The following SULF1 variants were observed in gnomAD, a reference collection of about 807,000 sequenced individuals.
The protein encoded by SULF1 is extracellular sulfatase Sulf-1.
In SULF1, 46 loss-of-function variants were observed where a neutral mutation model predicts 110.5. The observed-to-expected ratio is 0.42, with a 90% CI of 0.33 to 0.53. The LOEUF (loss-of-function observed/expected upper bound fraction) is 0.53, where lower values mean the gene tolerates loss of function less well. SULF1 is among the 20% of genes least tolerant of loss of function. SULF1 has a pLI of 0.12. For missense variants in SULF1, 941 were observed against 1,094.2 expected (o/e 0.86, Z 1.98); for synonymous variants, 371 against 387.1 (o/e 0.96, Z 0.49).
intron 3 of SULF1, among the ~76,000 whole-genome samples, chr8:69,558,028 G>A (rs1367130364): frequency 2.6e-5 from 4 of 152,198 alleles, no homozygotes; most frequent in African/African-American, 9.7e-5. Context: ...ATTAACAGTA[G>A]GTGAACTTGC....
chr8:69,567,089 A>G (rs1404992917), intron 5 of SULF1, among the ~76,000 whole-genome samples: 1 of 152,152 alleles, frequency 6.6e-6, no homozygotes, highest in Non-Finnish European at 1.5e-5. Context: ...CCTCCTAAAA[A>G]CAATCGGCAA....
At chr8:69,613,677 T>A (rs1040221772) in intron 13 of SULF1, among the ~76,000 whole-genome samples, 2 of 152,128 alleles carry the variant, frequency 1.3e-5, no homozygotes, top group Non-Finnish European at 2.9e-5. Context: ...AAGATCTGGG[T>A]GACTCAAAGC....
intron 3 of SULF1, among the ~76,000 whole-genome samples, chr8:69,523,294 C>A (rs371714441): frequency 1.3e-5 from 2 of 152,106 alleles, no homozygotes; most frequent in South Asian, 4.1e-4. Context: ...GGAAGTTCTC[C>A]TCCAGTTGCT....
At chr8:69,500,183 T>TA (rs562692837) in intron 2 of SULF1, among the ~76,000 whole-genome samples, 202 of 152,220 alleles carry the variant, frequency 1.3e-3, no homozygotes, top group African/African-American at 4.6e-3. Context: ...ATTACTGGTC[T>TA]AAAAAAAATC....
At chr8:69,553,945 T>C (rs559951757) in intron 3 of SULF1, among the ~76,000 whole-genome samples, 1 of 152,350 alleles carries the variant, frequency 6.6e-6, no homozygotes, top group South Asian at 2.1e-4. Context: ...ACATCAGGTT[T>C]TAATAAACCT....
At chr8:69,491,056 G>A (rs925579193), upstream of SULF1, among the ~76,000 whole-genome samples, 4 of 152,118 alleles carry the variant, frequency 2.6e-5, no homozygotes, top group Non-Finnish European at 5.9e-5. Context: ...ATTAGTAGAG[G>A]GGGGAAAATT....
At position 69,554,780 on chromosome 8, in the gene SULF1, C is replaced by G. The variant is rs1054121076; in HGVS notation, c.-133-8759C>G. Among the ~76,000 whole-genome samples, 4 of 151,806 alleles carry G rather than the reference C, an allele frequency of 2.6e-5. 1 individual carries two copies. Among genetic ancestry groups the G allele is most frequent in the Admixed American group, 2.6e-4 (4 of 15,256 alleles). On this transcript the variant is annotated intron_variant, in intron 3 of 22. Coordinates refer to ENST00000402687, the MANE Select transcript of SULF1 (RefSeq NM_001128205.2). ...GGATCATGAGGTCAGTAGATCGAGA[C>G]CATCCTGGCTAACATGGTGAAACCC... is the stretch of plus-strand genomic sequence containing the variant.
At position 69,629,443 on chromosome 8, in the gene SULF1, C is replaced by T. The variant is rs1049713462; in HGVS notation, c.2109-61C>T. The T allele has an allele frequency of 6.6e-6, 10 of 1,514,262 alleles. No individual in the cohort carries two copies. The Admixed American group carries it at 8.4e-5, about 13-fold the overall frequency. 93.8% of individuals were successfully genotyped at this position (1,514,262 alleles called of 1,614,324 possible). ...TTTGTGCAAGACTCACAGCAACAAG[C>T]CTATTTGTAATTGAGAAAGTGCCTT... On this transcript the variant is annotated intron_variant, in intron 18 of 22. Coordinates refer to ENST00000402687, the MANE Select transcript of SULF1 (RefSeq NM_001128205.2).
chr8:69,491,035 A>G (rs1177431979), upstream of SULF1, among the ~76,000 whole-genome samples: 2 of 152,184 alleles, frequency 1.3e-5, no homozygotes, highest in African/African-American at 4.8e-5. Context: ...AATTGGTTTT[A>G]ATTGTTCCAA....
intron 3 of SULF1, among the ~76,000 whole-genome samples, chr8:69,529,117 C>T (rs146139637): frequency 1.1e-3 from 165 of 152,198 alleles, no homozygotes; most frequent in East Asian, 6.6e-3. Context: ...AACTGAGATC[C>T]GGAAAGTTTA....
chr8:69,484,689 C>T (rs557398065), intron 1 of SULF1, among the ~76,000 whole-genome samples: 7 of 152,140 alleles, frequency 4.6e-5, no homozygotes, highest in African/African-American at 1.4e-4. Context: ...CCCAGGCTCA[C>T]TAATGTCTGC....
At chr8:69,580,740 A>G (rs1337716344) in intron 6 of SULF1, among the ~76,000 whole-genome samples, 1 of 152,180 alleles carries the variant, frequency 6.6e-6, no homozygotes, top group African/African-American at 2.4e-5. Flanking sequence ...TAGAAGGGAC[A>G]ATATTTAATA....
At chr8:69,583,767 G>A (rs929560652) in intron 6 of SULF1, among the ~76,000 whole-genome samples, 5 of 152,188 alleles carry the variant, frequency 3.3e-5, no homozygotes, top group Non-Finnish European at 5.9e-5. Flanking sequence ...AAAGCTTACA[G>A]TCTAGCAGGT....
intron 16 of SULF1, 50 bp from the exon 17 acceptor site, chr8:69,627,721 TA>T: frequency 1.6e-6 from 2 of 1,251,300 alleles, no homozygotes; most frequent in Non-Finnish European, 2.3e-6. Flanking sequence ...AAGTACTTTG[TA>T]AAGAAAATCC....
In SULF1 at chr8:69,554,978, C is replaced by CAAAAAAAAAAAAAA. The variant is rs141225696; in HGVS notation, c.-133-8554_-133-8541dup. On this transcript the variant is annotated intron_variant, in intron 3 of 22. Transcript: ENST00000402687. ...TGGGCGACAGGGCGAGATTCCATCT[C>CAAAAAAAAAAAAAA]AAAAAAAAAAAAAAAAAAAACAAAA... 2.2e-4 allele frequency among the ~76,000 whole-genome samples: 14 copies of CAAAAAAAAAAAAAA among 63,484 alleles called. 4 individuals carry two copies. The highest frequency in any genetic ancestry group is 9.9e-4 in the African/African-American group (10 of 10,062). The allele number at this position is 63,484 out of a possible 152,430, so 41.6% of individuals were successfully genotyped here. A position where few individuals can be genotyped will look rare whatever the true frequency, so the allele number is the denominator to read the frequency against.
chr8:69,579,855 T>C (rs1406185189), intron 6 of SULF1, among the ~76,000 whole-genome samples: 2 of 152,230 alleles, frequency 1.3e-5, no homozygotes, highest in Admixed American at 1.3e-4. Context: ...GTAAAGATTC[T>C]ATTGCTTTCC....
chr8:69,501,745 G>C (rs1810812415), intron 2 of SULF1, 129 bp from the exon 3 acceptor site: 1 of 152,130 alleles, frequency 6.6e-6, no homozygotes, highest in Non-Finnish European at 1.5e-5. Context: ...AAATCGGTCT[G>C]GATGAAATTT....
intron 10 of SULF1, among the ~76,000 whole-genome samples, chr8:69,602,786 T>C (rs1489323232): frequency 6.6e-6 from 1 of 152,248 alleles, no homozygotes; most frequent in African/African-American, 2.4e-5. Context: ...TTTTAAGGAC[T>C]AGATAGCATA....
intron 1 of SULF1, among the ~76,000 whole-genome samples, chr8:69,471,998 T>TGAGA (rs3059922): frequency 0.026 from 3,886 of 149,128 alleles, 167 homozygotes; most frequent in African/African-American, 0.089. Flanking sequence ...GGAGAGAAAG[T>TGAGA]GAGAGAGAGA....
Sources: allele counts gnomAD v4.1 joint callset (sites outside exome capture counted in the v4.1 genomes callset), GRCh38; gene constraint gnomAD v4.1.1; transcripts MANE v1.5; gene names NCBI Gene and HGNC (gene_info 2026-07-23, HGNC 2026-07-21).